The following MAGI2 variants were observed in gnomAD, a reference collection of about 807,000 sequenced individuals.
MAGI2 encodes the protein membrane-associated guanylate kinase, WW and PDZ domain-containing protein 2.
Under a neutral mutation model 133.3 loss-of-function variants are expected in MAGI2, and 35 were observed. The ratio of observed to expected loss-of-function variants is 0.26; its 90% CI spans 0.20 to 0.35. The LOEUF (loss-of-function observed/expected upper bound fraction) is 0.35, where lower values mean the gene tolerates loss of function less well. Among genes scored for constraint, MAGI2 ranks in the 10% least tolerant of loss-of-function variants. The pLI, the probability that MAGI2 is intolerant of heterozygous loss-of-function variation, is 1.00. For missense variants in MAGI2, 1,636 were observed against 1,863.4 expected (o/e 0.88, Z 2.25); for synonymous variants, 729 against 710.6 (o/e 1.03, Z -0.41).
At chr7:78,685,973 TTC>T (rs1816262959) in intron 2 of MAGI2, among the ~76,000 whole-genome samples, 1 of 66,260 alleles carries the variant, frequency 1.5e-5, no homozygotes, top group Admixed American at 1.7e-4. Flanking sequence ...TTTTTTTCTT[TTC>T]TTTTTTTTTT....
At chr7:79,353,607 T>C in intron 1 of MAGI2, 3 of 408,216 alleles carry the variant, frequency 7.3e-6, no homozygotes, top group South Asian at 5.4e-5. Flanking sequence ...TCCTGCTCTT[T>C]CACAAGGAGC....
intron 2 of MAGI2, chr7:78,946,623 T>G (rs1191758841): frequency 6.6e-6 from 1 of 152,208 alleles, no homozygotes; most frequent in African/African-American, 2.4e-5. Flanking sequence ...TTCATGCACC[T>G]TAGAGGTGGG....
intron 6 of MAGI2, among the ~76,000 whole-genome samples, chr7:78,403,349 A>C (rs1583919234): frequency 6.6e-6 from 1 of 152,210 alleles, no homozygotes; most frequent in Admixed American, 6.5e-5. Context: ...TTATGGCTGC[A>C]TAGTATTCCA....
At chr7:78,293,443 T>C (rs919495391) in intron 9 of MAGI2, among the ~76,000 whole-genome samples, 2 of 152,178 alleles carry the variant, frequency 1.3e-5, no homozygotes, top group African/African-American at 2.4e-5. Flanking sequence ...CAACAGGTGC[T>C]GGAGAGGATG....
At chr7:79,286,444 C>G (rs1836005402) in intron 1 of MAGI2, among the ~76,000 whole-genome samples, 3 of 151,952 alleles carry the variant, frequency 2.0e-5, no homozygotes, top group Admixed American at 6.6e-5. Context: ...AATCACACTC[C>G]ACGGCACTTG....
At chr7:78,043,707 G>A (rs1811100247) in intron 21 of MAGI2, among the ~76,000 whole-genome samples, 1 of 152,148 alleles carries the variant, frequency 6.6e-6, no homozygotes, top group South Asian at 2.1e-4. Context: ...CGTTTGCTTA[G>A]GAAAGAGTGA....
intron 1 of MAGI2, among the ~76,000 whole-genome samples, chr7:79,078,655 A>T (rs1815763812): frequency 6.6e-6 from 1 of 152,226 alleles, no homozygotes; most frequent in South Asian, 2.1e-4. Flanking sequence ...GAGGCTATCT[A>T]GCTAGGTCTG....
chr7:78,972,993 C>A (rs1803920245), intron 2 of MAGI2, among the ~76,000 whole-genome samples: 1 of 150,990 alleles, frequency 6.6e-6, no homozygotes, highest in Admixed American at 6.6e-5. Flanking sequence ...TTAAACAAAT[C>A]TGGGCTATAT....
chr7:78,441,669 G>GA (rs1326758076), intron 6 of MAGI2, among the ~76,000 whole-genome samples: 1 of 149,332 alleles, frequency 6.7e-6, no homozygotes, highest in South Asian at 2.1e-4. Context: ...AAAAAAGAAA[G>GA]AAAAAAACTA....
chr7:78,617,134 T>C (rs1397344023), intron 3 of MAGI2: 1 of 151,970 alleles, frequency 6.6e-6, no homozygotes, highest in Non-Finnish European at 1.5e-5. Flanking sequence ...TATCATAAAG[T>C]GACAAAAAGG....
intron 1 of MAGI2, among the ~76,000 whole-genome samples, chr7:79,296,970 G>A (rs1306586403): frequency 2.6e-5 from 4 of 151,104 alleles, no homozygotes. Flanking sequence ...TGTAATACAT[G>A]TATTGAAATA....
At chr7:78,581,525 ACTTCACACAT>A (rs1373466534) in intron 3 of MAGI2, among the ~76,000 whole-genome samples, 4 of 152,320 alleles carry the variant, frequency 2.6e-5, no homozygotes, top group African/African-American at 9.6e-5. Context: ...AAGAGCAGTA[ACTTCACACAT>A]TTTATTTTCT....
At chr7:78,231,768 A>C (rs1018387988) in intron 10 of MAGI2, among the ~76,000 whole-genome samples, 6 of 152,164 alleles carry the variant, frequency 3.9e-5, no homozygotes, top group African/African-American at 1.4e-4. Flanking sequence ...AAGTCTTTGA[A>C]GGGACTTTAG....
intron 3 of MAGI2, among the ~76,000 whole-genome samples, chr7:78,578,441 TA>T (rs1802494523): frequency 1.3e-5 from 2 of 150,188 alleles, no homozygotes; most frequent in African/African-American, 4.9e-5. Flanking sequence ...CATAAAGAGA[TA>T]AAACATAGAA....
chr7:78,939,944 A>G (rs974396653), intron 2 of MAGI2: 1 of 152,170 alleles, frequency 6.6e-6, no homozygotes, highest in African/African-American at 2.4e-5. Flanking sequence ...TGGAAGACCA[A>G]GAGGGAGAGT....
intron 10 of MAGI2, among the ~76,000 whole-genome samples, chr7:78,242,963 T>C (rs1791314439): frequency 6.6e-6 from 1 of 152,012 alleles, no homozygotes; most frequent in Admixed American, 6.6e-5. Context: ...TCCCAGCTAC[T>C]TGAAAGGCTG....
At chr7:79,043,947 C>T (rs1270302349) in intron 1 of MAGI2, among the ~76,000 whole-genome samples, 1 of 152,042 alleles carries the variant, frequency 6.6e-6, no homozygotes, top group Non-Finnish European at 1.5e-5. Context: ...AGCTTCCCAA[C>T]CAGAAAAAGC....
intron 2 of MAGI2, among the ~76,000 whole-genome samples, chr7:78,798,765 T>C (rs1787825007): frequency 6.6e-6 from 1 of 152,130 alleles, no homozygotes; most frequent in Non-Finnish European, 1.5e-5. Flanking sequence ...AATGTGCAAG[T>C]AGAGAGCTCT....
chr7:78,332,515 G>A (rs1789320846), intron 9 of MAGI2, among the ~76,000 whole-genome samples: 1 of 151,946 alleles, frequency 6.6e-6, no homozygotes. Flanking sequence ...TGGCTAAAAT[G>A]GTGAAATCCC....
Sources: gnomAD v4.1 joint callset for allele counts (sites outside exome capture counted in the v4.1 genomes callset) on GRCh38, gnomAD v4.1.1 for gene constraint, MANE v1.5 for transcripts, NCBI Gene and HGNC (gene_info 2026-07-23, HGNC 2026-07-21) for gene names.